RNF144A: variants seen among roughly 807,000 people sequenced by gnomAD.
RNF144A encodes the protein E3 ubiquitin-protein ligase RNF144A.
A neutral mutation model predicts 38.7 loss-of-function variants in RNF144A; 11 were observed. That is an observed-to-expected ratio of 0.28 (90% CI 0.18 to 0.47). The LOEUF (loss-of-function observed/expected upper bound fraction) is 0.47. Among genes scored for constraint, RNF144A ranks in the 20% least tolerant of loss-of-function variants. RNF144A has a pLI of 0.99. For missense variants in RNF144A, 316 were observed against 377.2 expected, an observed-to-expected ratio of 0.84 and a Z score of 1.34; for synonymous variants, 149 against 143.9, an observed-to-expected ratio of 1.04 and a Z score of -0.25.
At chr2:6,926,880 A>C (rs532846813) in intron 1 of RNF144A, among the ~76,000 whole-genome samples, 1 of 152,338 alleles carries the variant, frequency 6.6e-6, no homozygotes, top group Non-Finnish European at 1.5e-5. Flanking sequence ...ATTCAAAGAC[A>C]CATTGAGGAC....
chr2:7,047,649 A>C (rs1348162777), downstream of RNF144A, among the ~76,000 whole-genome samples: 1 of 152,198 alleles, frequency 6.6e-6, no homozygotes, highest in South Asian at 2.1e-4. Flanking sequence ...CAGCCAAACC[A>C]GTCACTTGGG....
chr2:7,067,639 T>C (rs535363321), intron 6 of RNF144A, among the ~76,000 whole-genome samples: 1 of 152,212 alleles, frequency 6.6e-6, no homozygotes, highest in African/African-American at 2.4e-5. Flanking sequence ...GAACAAAAGG[T>C]GACCACATGA....
downstream of RNF144A, chr2:7,068,416 A>T (rs556043056): frequency 1.0e-4 from 44 of 419,378 alleles, 2 homozygotes; most frequent in South Asian, 8.2e-4. Context: ...AGAAAGAAGA[A>T]TCAAGAGTGG....
chr2:6,986,546 G>A (rs570136290), intron 2 of RNF144A, among the ~76,000 whole-genome samples: 9 of 152,106 alleles, frequency 5.9e-5, no homozygotes, highest in Non-Finnish European at 1.3e-4. Context: ...CCAAATAGAC[G>A]AGTCTCCCAC....
At chr2:7,001,538 G>A (rs931005133) in intron 3 of RNF144A, among the ~76,000 whole-genome samples, 8 of 151,924 alleles carry the variant, frequency 5.3e-5, no homozygotes, top group Admixed American at 3.9e-4. Flanking sequence ...TTAGCTGGGC[G>A]TGGTGACAGA....
chr2:7,032,115 G>T (rs1316809613), intron 8 of RNF144A, among the ~76,000 whole-genome samples: 1 of 152,274 alleles, frequency 6.6e-6, no homozygotes, highest in Non-Finnish European at 1.5e-5. Flanking sequence ...ATGGCGTACT[G>T]CCCTCTGGTC....
intron 6 of RNF144A, among the ~76,000 whole-genome samples, chr2:7,061,507 A>C (rs1673955286): frequency 6.6e-6 from 1 of 152,174 alleles, no homozygotes; most frequent in South Asian, 2.1e-4. Context: ...AGATGAGCAA[A>C]ATAATCTCAG....
At position 6,943,256 on chromosome 2, in the gene RNF144A, A is replaced by G. The variant is rs1666130958; in HGVS notation, c.-12+2109A>G. On this transcript the variant is annotated intron_variant, in intron 2 of 8. Transcript: ENST00000320892. This position sits in a 1 kb window ranked among gnomAD's most constrained non-coding sequence, Gnocchi z 4.3. Reference sequence around the variant, plus strand: ...CATGAGGAGCAGAAGAGGACAAGCCAGCAAAGGAGAACAAGAGGGAACAAC... The same window carrying G: ...CATGAGGAGCAGAAGAGGACAAGCCGGCAAAGGAGAACAAGAGGGAACAAC... 6.6e-6 allele frequency among the ~76,000 whole-genome samples: 1 copy of G among 152,228 alleles called. No homozygotes were observed. Among genetic ancestry groups the G allele is most frequent in the African/African-American group, 2.4e-5 (1 of 41,468 alleles).
chr2:7,043,627 A>G lies in RNF144A; in HGVS notation c.*3867A>G. On this transcript the variant is annotated 3_prime_UTR_variant, in exon 9 of 9. Transcript: ENST00000320892. ...GAAGGGATTATGACAGGTATTACCA[A>G]AAACACCAAAAGGAACAAAGGGGCC... 1 of 985,878 alleles carries G rather than the reference A, an allele frequency of 1.0e-6. No homozygotes were observed. The highest frequency in any genetic ancestry group is 1.2e-6 in the Non-Finnish European group (1 of 829,918). The allele number at this position is 985,878 out of a possible 1,614,324, so 61.1% of individuals were successfully genotyped here.
chr2:7,024,842 A>G (rs1442271793), intron 7 of RNF144A, among the ~76,000 whole-genome samples: 1 of 152,150 alleles, frequency 6.6e-6, no homozygotes, highest in African/African-American at 2.4e-5. Context: ...CTGTGACATA[A>G]TATCATAGAT....
intron 3 of RNF144A, among the ~76,000 whole-genome samples, chr2:7,009,039 T>C (rs534784948): frequency 2.0e-5 from 3 of 152,326 alleles, no homozygotes; most frequent in African/African-American, 4.8e-5. Flanking sequence ...GAGGGCCGCA[T>C]AGGGCCACAG....
chr2:6,962,448 T>TA lies in RNF144A; in HGVS notation c.-12+21301_-12+21302insA, dbSNP rs569053209. ...TGCAGCTCCATTTCTCAGGCTGTTC[T>TA]TTGTTACAAGAGAAATGATTTTGGG... On this transcript the variant is annotated intron_variant, in intron 2 of 8. Coordinates refer to ENST00000320892, the MANE Select transcript of RNF144A (RefSeq NM_014746.6). This position sits in a 1 kb window ranked among gnomAD's most constrained non-coding sequence, Gnocchi z 4.1. Among the ~76,000 whole-genome samples the TA allele has an allele frequency of 6.6e-6, 1 of 152,340 alleles. No homozygotes were observed. Among genetic ancestry groups the TA allele is most frequent in the African/African-American group, 2.4e-5 (1 of 41,582 alleles).
intron 3 of RNF144A, among the ~76,000 whole-genome samples, chr2:6,999,431 A>G (rs1669962814): frequency 6.6e-6 from 1 of 152,174 alleles, no homozygotes; most frequent in African/African-American, 2.4e-5. Context: ...AGGAGTTGCA[A>G]CTGTCCTTTT....
chr2:6,994,506 G>A (rs1669598143), intron 2 of RNF144A, among the ~76,000 whole-genome samples: 1 of 152,120 alleles, frequency 6.6e-6, no homozygotes. Flanking sequence ...TGAAAATGAT[G>A]ACAGTCATAA....
chr2:6,949,041 G>A (rs1666512493), intron 2 of RNF144A, among the ~76,000 whole-genome samples: 1 of 152,204 alleles, frequency 6.6e-6, no homozygotes, highest in Admixed American at 6.5e-5. Flanking sequence ...GGCCATGCGA[G>A]GTGACCACGT....
chr2:6,970,091 T>C (rs1667913697), intron 2 of RNF144A, among the ~76,000 whole-genome samples: 1 of 152,218 alleles, frequency 6.6e-6, no homozygotes, highest in Non-Finnish European at 1.5e-5. Context: ...CTTCAGGCTA[T>C]GTGGGTATAA....
chr2:6,976,891 T>TA (rs1271236285), intron 2 of RNF144A, among the ~76,000 whole-genome samples: 2 of 152,096 alleles, frequency 1.3e-5, no homozygotes, highest in Admixed American at 6.6e-5. Context: ...CTTCTTTTTT[T>TA]AAAAAAACTG....
chr2:6,949,016 A>T (rs1443979950), intron 2 of RNF144A, among the ~76,000 whole-genome samples: 1 of 152,204 alleles, frequency 6.6e-6, no homozygotes, highest in Non-Finnish European at 1.5e-5. Context: ...GTGCCTGTCC[A>T]TCCCTGAAAG....
At chr2:7,067,855 G>C (rs1319525113) in intron 6 of RNF144A, among the ~76,000 whole-genome samples, 2 of 152,094 alleles carry the variant, frequency 1.3e-5, no homozygotes, top group Non-Finnish European at 2.9e-5. Context: ...CCCCACCCTT[G>C]ATATCTGACT....
Sources: allele counts gnomAD v4.1 joint callset (sites outside exome capture counted in the v4.1 genomes callset), GRCh38; gene constraint gnomAD v4.1.1; non-coding constraint Gnocchi (gnomAD v3.1); transcripts MANE v1.5; gene names NCBI Gene and HGNC (gene_info 2026-07-23, HGNC 2026-07-21).